The following SLC22A15 variants were observed in gnomAD, a reference collection of about 807,000 sequenced individuals.
SLC22A15 encodes the protein flipt 1.
In SLC22A15, 45 loss-of-function variants were observed where a neutral mutation model predicts 62.7. That is an observed-to-expected ratio of 0.72 (90% CI 0.56 to 0.92). The LOEUF (loss-of-function observed/expected upper bound fraction) is 0.92. Ranked by LOEUF, SLC22A15 falls within the 40% of genes least tolerant of loss-of-function variation. SLC22A15 has a pLI of 0.00. For synonymous variants in SLC22A15, 264 were observed against 267.0 expected, an observed-to-expected ratio of 0.99 and a Z score of 0.11; for missense variants, 622 against 665.6, an observed-to-expected ratio of 0.93 and a Z score of 0.72.
At chr1:116,064,942 T>TC (rs755580798) in intron 10 of SLC22A15, among the ~76,000 whole-genome samples, 16 of 152,160 alleles carry the variant, frequency 1.1e-4, no homozygotes, top group Non-Finnish European at 2.1e-4. Context: ...TTAAATACCT[T>TC]CCCCCAAGAA....
chr1:116,006,925 C>T (rs914005985), intron 2 of SLC22A15, among the ~76,000 whole-genome samples: 1 of 152,114 alleles, frequency 6.6e-6, no homozygotes, highest in Non-Finnish European at 1.5e-5. Context: ...CACCCTGTCT[C>T]CCTCCCTCTT....
At position 116,037,259 on chromosome 1, in the gene SLC22A15, A is replaced by G. The variant is rs765563199; in HGVS notation, c.1086-44A>G. ...AGGTTGGGAAGAAACAGATGAATTT[A>G]TAAGGTTCTTAAGAGAACTGTGTAA... On this transcript the variant is annotated intron_variant, in intron 7 of 11. Transcript: ENST00000369503. 18 of 1,488,672 alleles carry G rather than the reference A, an allele frequency of 1.2e-5. 1 individual carries two copies. The allele number at this position is 1,488,672 out of a possible 1,614,324, so 92.2% of individuals were successfully genotyped here.
At chr1:116,015,734 G>A (rs551725273) in intron 2 of SLC22A15, among the ~76,000 whole-genome samples, 152 of 152,262 alleles carry the variant, frequency 1.0e-3, no homozygotes, top group African/African-American at 3.5e-3. Context: ...AAAGCATGAA[G>A]AGACTAAAAC....
chr1:116,022,783 G>GT (rs1410304085), intron 4 of SLC22A15, among the ~76,000 whole-genome samples: 1 of 152,204 alleles, frequency 6.6e-6, no homozygotes, highest in African/African-American at 2.4e-5. Flanking sequence ...AAGAAAAACT[G>GT]TAACAGTGAA....
intron 8 of SLC22A15, among the ~76,000 whole-genome samples, chr1:116,039,452 G>A (rs1364145329): frequency 6.6e-6 from 1 of 152,084 alleles, no homozygotes; most frequent in Non-Finnish European, 1.5e-5. Context: ...AGAATTGCTT[G>A]AACCCAGGAG....
At chr1:115,982,606 A>G (rs1654664053) in intron 1 of SLC22A15, among the ~76,000 whole-genome samples, 1 of 152,108 alleles carries the variant, frequency 6.6e-6, no homozygotes, top group African/African-American at 2.4e-5. Flanking sequence ...TTTCAAGTTC[A>G]CAAACCCACG....
intron 2 of SLC22A15, among the ~76,000 whole-genome samples, chr1:116,001,215 T>C (rs1655712364): frequency 6.6e-6 from 1 of 152,178 alleles, no homozygotes; most frequent in Non-Finnish European, 1.5e-5. Context: ...GGAGCTCCTT[T>C]ATATGTAATT....
At chr1:115,997,412 A>G (rs1655484645) in intron 2 of SLC22A15, among the ~76,000 whole-genome samples, 1 of 152,140 alleles carries the variant, frequency 6.6e-6, no homozygotes, top group African/African-American at 2.4e-5. Flanking sequence ...TTTTAACAAT[A>G]TTGATTCTTC....
rs1218620047 is a variant in SLC22A15 at position 116,020,847 on chromosome 1, T to C, written c.560T>C (p.Leu187Pro). ...ATGTCGCTGGTGGCCTTTGTCTTGC[T>C]TAATGAATGTGTGGGCACCGCCTAC... ...GGMSLVAFVL[L>P]NECVGTAYWA... Residue 187 changes from leucine to proline, a missense_variant, in exon 4 of 12, where the codon CTT (leucine) becomes CCT (proline). Coordinates refer to ENST00000369503, the MANE Select transcript of SLC22A15 (RefSeq NM_018420.3). The C allele has an allele frequency of 3.7e-6, 6 of 1,613,378 alleles. No homozygotes were observed. Among genetic ancestry groups the C allele is most frequent in the Non-Finnish European group, 5.1e-6 (6 of 1,179,608 alleles).
At chr1:116,029,330 C>A (rs1657278475) in intron 5 of SLC22A15, among the ~76,000 whole-genome samples, 1 of 152,128 alleles carries the variant, frequency 6.6e-6, no homozygotes, top group African/African-American at 2.4e-5. Context: ...AGATTTGCCA[C>A]CTTTAATGAT....
chr1:116,049,500 A>C (rs1378337354), intron 8 of SLC22A15, among the ~76,000 whole-genome samples: 1 of 152,220 alleles, frequency 6.6e-6, no homozygotes, highest in African/African-American at 2.4e-5. Context: ...CTGAATGAGC[A>C]TCAGGTCAAA....
At chr1:116,047,225 G>A (rs1036569523) in intron 8 of SLC22A15, among the ~76,000 whole-genome samples, 7 of 152,024 alleles carry the variant, frequency 4.6e-5, no homozygotes, top group African/African-American at 7.2e-5. Context: ...TCAGGAGTTC[G>A]AGACCAGCCT....
chr1:116,011,033 T>C (rs1656225601), intron 2 of SLC22A15, among the ~76,000 whole-genome samples: 1 of 152,196 alleles, frequency 6.6e-6, no homozygotes, highest in Non-Finnish European at 1.5e-5. Context: ...AACAGTCATG[T>C]GGTGCGTCCT....
chr1:116,000,383 A>T (rs1377888030), intron 2 of SLC22A15, among the ~76,000 whole-genome samples: 2 of 152,100 alleles, frequency 1.3e-5, no homozygotes, highest in Non-Finnish European at 2.9e-5. Flanking sequence ...TAAAAAGTCT[A>T]CACTTTAGCT....
chr1:116,008,243 G>A (rs1656081256), intron 2 of SLC22A15, among the ~76,000 whole-genome samples: 1 of 152,202 alleles, frequency 6.6e-6, no homozygotes, highest in African/African-American at 2.4e-5. Context: ...ACACTTCCCG[G>A]TTACTGTAGG....
chr1:116,026,972 C>A lies in SLC22A15; in HGVS notation c.678C>A (p.Thr226=), dbSNP rs755646954. ...LLGYFIRSWR[T]LAILVNLQGT... ...GATACTTCATCCGCTCCTGGAGGAC[C>A]CTAGCCATTCTGGTTAACCTGCAGG... The change falls in exon 5 of 12, where the codon ACC becomes ACA. Residue 226 remains threonine (T), a synonymous_variant. Transcript: ENST00000369503. The A allele has an allele frequency of 1.2e-6, 2 of 1,613,876 alleles. No homozygotes were observed. The highest frequency in any genetic ancestry group is 3.3e-5 in the Admixed American group (2 of 60,032).
At chr1:116,048,878 A>G (rs985512594) in intron 8 of SLC22A15, among the ~76,000 whole-genome samples, 1 of 152,148 alleles carries the variant, frequency 6.6e-6, no homozygotes, top group African/African-American at 2.4e-5. Context: ...TTAAGGACTC[A>G]CATAAACTTA....
At chr1:115,999,487 A>G (rs1215761362) in intron 2 of SLC22A15, among the ~76,000 whole-genome samples, 1 of 146,730 alleles carries the variant, frequency 6.8e-6, no homozygotes, top group Non-Finnish European at 1.5e-5. Context: ...TGTTGGGTGC[A>G]TATATATTTT....
chr1:116,022,000 T>C (rs2101340139), intron 4 of SLC22A15, among the ~76,000 whole-genome samples: 1 of 152,330 alleles, frequency 6.6e-6, no homozygotes, highest in Non-Finnish European at 1.5e-5. Context: ...GTGTATGGGC[T>C]ATTGTATCGA....
Sources: allele counts gnomAD v4.1 joint callset (sites outside exome capture counted in the v4.1 genomes callset), GRCh38; gene constraint gnomAD v4.1.1; transcripts MANE v1.5; gene names NCBI Gene and HGNC (gene_info 2026-07-23, HGNC 2026-07-21).